DZANK1: variants seen among roughly 807,000 people sequenced by gnomAD.
DZANK1 encodes the protein double zinc ribbon and ankyrin repeat-containing protein 1.
DZANK1 carries 91 observed loss-of-function variants against 94.5 expected under a neutral mutation model. That is an observed-to-expected ratio of 0.96 (90% CI 0.81 to 1.15). The LOEUF (loss-of-function observed/expected upper bound fraction) is 1.15, where lower values mean the gene tolerates loss of function less well. Ranked by LOEUF, DZANK1 falls within the 50% of genes most tolerant of loss-of-function variation. The pLI, the probability that DZANK1 is intolerant of heterozygous loss-of-function variation, is 0.00. For missense variants in DZANK1, 903 were observed against 916.4 expected (o/e 0.99, Z 0.19); for synonymous variants, 312 against 325.3 (o/e 0.96, Z 0.44).
At position 18,453,670 on chromosome 20, in the gene DZANK1, C is replaced by G. The variant is rs1170301788; in HGVS notation, c.475+61G>C. ...GACAAGAAAACATGCAACGAACATG[C>G]CATGAACCTCTTCGGTGGGTTCAGA... On this transcript the variant is annotated intron_variant, in intron 5 of 20. Coordinates refer to ENST00000262547, the Ensembl canonical transcript of DZANK1. The G allele has an allele frequency of 3.4e-6, 4 of 1,173,326 alleles. No individual in the cohort carries two copies. The African/African-American group carries it at 6.1e-5, about 18-fold the overall frequency. The allele number at this position is 1,173,326 out of a possible 1,614,324, so 72.7% of individuals were successfully genotyped here. A position where few individuals can be genotyped will look rare whatever the true frequency, so the allele number is the denominator to read the frequency against.
chr20:18,454,989 G>A (rs1409132743), intron 4 of DZANK1, among the ~76,000 whole-genome samples: 1 of 152,198 alleles, frequency 6.6e-6, no homozygotes, highest in Non-Finnish European at 1.5e-5. Context: ...GGTTTTTTCA[G>A]TAGGTAAGAG....
At chr20:18,426,032 G>A (rs1475904192) in intron 10 of DZANK1, among the ~76,000 whole-genome samples, 2 of 152,148 alleles carry the variant, frequency 1.3e-5, no homozygotes, top group Admixed American at 1.3e-4. Context: ...TAGGAAACTA[G>A]TACACACCCA....
chr20:18,436,646 A>G lies in DZANK1; in HGVS notation c.748-2881T>C, dbSNP rs1165576142. Among the ~76,000 whole-genome samples the G allele has an allele frequency of 3.3e-5, 5 of 152,086 alleles. No homozygotes were observed. The East Asian group carries it at 9.6e-4, about 29-fold the overall frequency. ...AACAAGTAAGGGAAAGAGAGAAAGGAACAGAAAAAGAATGGAAGAAACAAT... is the reference window on the plus strand; with the variant it reads ...AACAAGTAAGGGAAAGAGAGAAAGGGACAGAAAAAGAATGGAAGAAACAAT... On this transcript the variant is annotated intron_variant, in intron 8 of 20. Transcript: ENST00000262547.
chr20:18,444,394 C>T (rs2058807815), intron 7 of DZANK1, among the ~76,000 whole-genome samples: 1 of 152,182 alleles, frequency 6.6e-6, no homozygotes, highest in Non-Finnish European at 1.5e-5. Context: ...GAATTGAAGA[C>T]ATAGAGCTGG....
chr20:18,462,671 T>C (rs1199292171), intron 2 of DZANK1, among the ~76,000 whole-genome samples: 2 of 152,148 alleles, frequency 1.3e-5, no homozygotes, highest in Non-Finnish European at 2.9e-5. Context: ...ATTCAGCCAC[T>C]GTGGAAAGCA....
At chr20:18,452,656 C>T (rs1170740612) in exon 6 of DZANK1, 1 of 1,604,998 alleles carries the variant, frequency 6.2e-7, no homozygotes, top group Non-Finnish European at 8.5e-7. Flanking sequence ...GATCCTCCAC[C>T]ATAAGCTGGG....
At chr20:18,394,890 A>G (rs2056248072) in intron 15 of DZANK1, 2 of 456,536 alleles carry the variant, frequency 4.4e-6, no homozygotes, top group South Asian at 1.5e-5. Flanking sequence ...ACCTACCTCA[A>G]TGGCATGTCG....
At position 18,441,271 on chromosome 20, in the gene DZANK1, C is replaced by T. The variant is rs1189855868; in HGVS notation, c.747+2076G>A. 6.6e-6 allele frequency among the ~76,000 whole-genome samples: 1 copy of T among 152,176 alleles called. No homozygotes were observed. Among genetic ancestry groups the T allele is most frequent in the Non-Finnish European group, 1.5e-5 (1 of 68,046 alleles). Reference sequence around the variant, plus strand: ...GCTATGGATCACCAGTGTCCCATTTCCCATTGGCAAGGAGCTCGGCACTGT... The same window carrying T: ...GCTATGGATCACCAGTGTCCCATTTTCCATTGGCAAGGAGCTCGGCACTGT... On this transcript the variant is annotated intron_variant, in intron 8 of 20. Coordinates refer to ENST00000262547, the Ensembl canonical transcript of DZANK1. The surrounding 1 kb of genome is among the most constrained non-coding windows in gnomAD (Gnocchi z 4.1).
exon 21 of DZANK1, chr20:18,384,321 A>C (rs1035332526): frequency 6.3e-6 from 9 of 1,421,494 alleles, no homozygotes; most frequent in Non-Finnish European, 8.5e-6. Context: ...AGCCTCCCAA[A>C]GTGCTGGGAT....
Position 18,440,463 on chromosome 20 carries a change from T to G in DZANK1, c.747+2884A>C, listed in dbSNP as rs1377742267. ...TTCATTTAAAATCTAATCCCACACTTATTCCCCAAGACTCTGTCACTATAT... is the reference window on the plus strand; with the variant it reads ...TTCATTTAAAATCTAATCCCACACTGATTCCCCAAGACTCTGTCACTATAT... On this transcript the variant is annotated intron_variant, in intron 8 of 20. Transcript: ENST00000262547. 3.3e-5 allele frequency among the ~76,000 whole-genome samples: 5 copies of G among 152,172 alleles called. No individual in the cohort carries two copies. In the East Asian group the frequency reaches 9.6e-4, roughly 29 times the overall value.
At chr20:18,412,181 G>T (rs1287334397) in intron 13 of DZANK1, among the ~76,000 whole-genome samples, 1 of 152,122 alleles carries the variant, frequency 6.6e-6, no homozygotes, top group Non-Finnish European at 1.5e-5. Context: ...CACTTTGTTG[G>T]CCAGACTAGA....
In DZANK1 at chr20:18,409,808, G is replaced by A. The variant is rs371458854; in HGVS notation, c.1432+2838C>T. Among the ~76,000 whole-genome samples, 460 of 152,160 alleles carry A rather than the reference G, an allele frequency of 3.0e-3. 4 individuals carry two copies. The highest frequency in any genetic ancestry group is 0.018 in the South Asian group (89 of 4,814). Reference sequence around the variant, plus strand: ...GGTGAGGCCAGGCGTGGTGGCTCACGCCTGTAATCCTAGCACTTCGGGAGG... The same window carrying A: ...GGTGAGGCCAGGCGTGGTGGCTCACACCTGTAATCCTAGCACTTCGGGAGG... On this transcript the variant is annotated intron_variant, in intron 13 of 20. Transcript: ENST00000262547.
intron 8 of DZANK1, among the ~76,000 whole-genome samples, chr20:18,440,816 C>T (rs893511950): frequency 6.6e-6 from 1 of 152,322 alleles, no homozygotes; most frequent in South Asian, 2.1e-4. Flanking sequence ...TCATCTGGGT[C>T]CCACCTGCCA....
exon 6 of DZANK1, chr20:18,452,664 G>A (rs762299428): frequency 1.3e-5 from 21 of 1,606,488 alleles, no homozygotes; most frequent in Admixed American, 6.8e-5. Context: ...ACCATAAGCT[G>A]GGATTTCCAA....
At chr20:18,455,325 A>G (rs1304850516) in exon 4 of DZANK1, 21 of 1,608,292 alleles carry the variant, frequency 1.3e-5, no homozygotes, top group Non-Finnish European at 1.6e-5. Flanking sequence ...AGTCTACGTG[A>G]AACACCTTTG....
At chr20:18,394,279 C>A in exon 16 of DZANK1, 1 of 1,613,542 alleles carries the variant, frequency 6.2e-7, no homozygotes, top group Non-Finnish European at 8.5e-7. Flanking sequence ...TGCCGCACAG[C>A]CCCCCATCAC....
At chr20:18,438,335 C>T (rs2058610877) in intron 8 of DZANK1, among the ~76,000 whole-genome samples, 1 of 151,208 alleles carries the variant, frequency 6.6e-6, no homozygotes, top group Non-Finnish European at 1.5e-5. Flanking sequence ...TAAATTTAAC[C>T]ACATCAATAA....
rs1019574266 is a variant in DZANK1 at position 18,441,048 on chromosome 20, CTGAGCTTGTCG to C, written c.747+2288_747+2298del. Reference sequence around the variant, plus strand: ...GTTCCTGCACCATGACTTAAAGGTCCTGAGCTTGTCGTTTTCTTTCTGTGAATGCTCCCATG... The same window carrying C: ...GTTCCTGCACCATGACTTAAAGGTCCTTTTCTTTCTGTGAATGCTCCCATG... On this transcript the variant is annotated intron_variant, in intron 8 of 20. Transcript: ENST00000262547. This position sits in a 1 kb window ranked among gnomAD's most constrained non-coding sequence, Gnocchi z 4.1. Among the ~76,000 whole-genome samples the C allele has an allele frequency of 1.3e-5, 2 of 152,122 alleles. No individual in the cohort carries two copies. The highest frequency in any genetic ancestry group is 2.9e-5 in the Non-Finnish European group (2 of 68,020).
intron 10 of DZANK1, among the ~76,000 whole-genome samples, chr20:18,419,423 GA>G (rs756503074): frequency 6.6e-6 from 1 of 152,094 alleles, no homozygotes; most frequent in South Asian, 2.1e-4. Flanking sequence ...ATGAAAGACA[GA>G]AATTTACAGC....
Sources: allele counts gnomAD v4.1 joint callset (sites outside exome capture counted in the v4.1 genomes callset), GRCh38; gene constraint gnomAD v4.1.1; non-coding constraint Gnocchi (gnomAD v3.1); transcripts MANE v1.5; gene names NCBI Gene and HGNC (gene_info 2026-07-23, HGNC 2026-07-21).